Variants in PTPRD observed in about 807,000 individuals in gnomAD.
PTPRD encodes receptor-type tyrosine-protein phosphatase delta.
A neutral mutation model predicts 214.5 loss-of-function variants in PTPRD; 34 were observed. The ratio of observed to expected loss-of-function variants is 0.16; its 90% confidence interval spans 0.12 to 0.21. The LOEUF is 0.21. Ranked by LOEUF, PTPRD falls within the 10% of genes least tolerant of loss-of-function variation. The pLI is 1.00. For missense variants in PTPRD, 2,545 were observed against 2,398.7 expected, an observed-to-expected ratio of 1.06 and a Z score of -1.27; for synonymous variants, 1,128 against 845.7, an observed-to-expected ratio of 1.33 and a Z score of -5.79.
At chr9:9,908,431 A>G (rs919211253) in intron 5 of PTPRD, among the ~76,000 whole-genome samples, 1 of 152,008 alleles carries the variant, frequency 6.6e-6, no homozygotes, top group Non-Finnish European at 1.5e-5. Context: ...TACTGGATCC[A>G]CACCTTGTTA....
intron 11 of PTPRD, among the ~76,000 whole-genome samples, chr9:8,777,063 C>G (rs922520455): frequency 6.6e-6 from 1 of 151,654 alleles, no homozygotes; most frequent in Admixed American, 6.6e-5. Flanking sequence ...TCACTGCTGC[C>G]TCAACCTCCT....
intron 14 of PTPRD, among the ~76,000 whole-genome samples, chr9:8,594,919 G>C (rs1272543851): frequency 6.9e-6 from 1 of 144,070 alleles, no homozygotes; most frequent in Non-Finnish European, 1.5e-5. Flanking sequence ...CTGGAGTGCA[G>C]TGGCGCAAAC....
intron 4 of PTPRD, among the ~76,000 whole-genome samples, chr9:9,943,673 C>G (rs1287847196): frequency 6.6e-6 from 1 of 152,054 alleles, no homozygotes; most frequent in East Asian, 1.9e-4. Flanking sequence ...TTCAAGAAAG[C>G]AACATCTGAA....
intron 2 of PTPRD, among the ~76,000 whole-genome samples, chr9:10,609,556 A>C (rs1179693176): frequency 6.6e-6 from 1 of 152,124 alleles, no homozygotes; most frequent in East Asian, 1.9e-4. Context: ...AACTAGCAAT[A>C]TTTTAGCTTT....
chr9:9,199,886 T>C (rs575235446), intron 9 of PTPRD, among the ~76,000 whole-genome samples: 1 of 152,284 alleles, frequency 6.6e-6, no homozygotes, highest in South Asian at 2.1e-4. Context: ...CATTAGAGAA[T>C]TTGCTTTCTG....
chr9:8,619,463 T>A (rs888476378), intron 14 of PTPRD, among the ~76,000 whole-genome samples: 10 of 151,972 alleles, frequency 6.6e-5, no homozygotes, highest in African/African-American at 2.2e-4. Context: ...TTTCTGTGAA[T>A]GGCTTATTTC....
intron 5 of PTPRD, among the ~76,000 whole-genome samples, chr9:9,880,616 T>C (rs2068362472): frequency 6.6e-6 from 1 of 152,166 alleles, no homozygotes; most frequent in South Asian, 2.1e-4. Context: ...ATTTAATTTG[T>C]TTCTTTGGGA....
chr9:9,718,774 G>A (rs12350124), intron 7 of PTPRD, among the ~76,000 whole-genome samples: 65,090 of 152,124 alleles, frequency 0.43, 16,354 homozygotes, highest in African/African-American at 0.69. Flanking sequence ...GCCCCCTCTG[G>A]AAACTGCTTC....
chr9:9,427,157 A>C (rs988429985), intron 8 of PTPRD, among the ~76,000 whole-genome samples: 13 of 152,158 alleles, frequency 8.5e-5, no homozygotes, highest in Non-Finnish European at 1.8e-4. Flanking sequence ...AGAAGCTAAA[A>C]ACCTTGAAAA....
intron 39 of PTPRD, among the ~76,000 whole-genome samples, chr9:8,364,532 C>T (rs989139933): frequency 4.6e-5 from 7 of 152,198 alleles, no homozygotes; most frequent in South Asian, 2.1e-4. Context: ...GCTACAGCCA[C>T]GGCACAGCCA....
At chr9:10,449,756 T>A (rs1402894158) in intron 2 of PTPRD, among the ~76,000 whole-genome samples, 1 of 151,758 alleles carries the variant, frequency 6.6e-6, no homozygotes, top group Non-Finnish European at 1.5e-5. Context: ...CAACAGCTCA[T>A]TGAGAACGGG....
At chr9:8,959,774 T>C (rs1037472316) in intron 11 of PTPRD, among the ~76,000 whole-genome samples, 1 of 152,076 alleles carries the variant, frequency 6.6e-6, no homozygotes, top group Non-Finnish European at 1.5e-5. Flanking sequence ...TTCATGATCT[T>C]GAAAACTTTT....
intron 2 of PTPRD, among the ~76,000 whole-genome samples, chr9:10,524,193 T>C (rs1315557598): frequency 1.3e-5 from 2 of 152,060 alleles, no homozygotes; most frequent in Non-Finnish European, 2.9e-5. Context: ...ACATGTAAAT[T>C]TGATGTGTTA....
intron 11 of PTPRD, among the ~76,000 whole-genome samples, chr9:8,784,119 T>G (rs2095846587): frequency 6.6e-6 from 1 of 152,228 alleles, no homozygotes; most frequent in African/African-American, 2.4e-5. Flanking sequence ...TTACAGTATT[T>G]ATTGAATTTC....
intron 7 of PTPRD, among the ~76,000 whole-genome samples, chr9:9,724,209 T>C (rs955164965): frequency 6.6e-6 from 1 of 152,172 alleles, no homozygotes; most frequent in Non-Finnish European, 1.5e-5. Context: ...ACCTTTAAAG[T>C]TGTCTCTGTT....
intron 7 of PTPRD, among the ~76,000 whole-genome samples, chr9:9,587,642 G>T (rs2092220061): frequency 6.6e-6 from 1 of 151,930 alleles, no homozygotes; most frequent in Non-Finnish European, 1.5e-5. Context: ...CCCTCACTGG[G>T]GAATGGGATC....
At chr9:9,762,341 A>C (rs1172331139) in intron 6 of PTPRD, among the ~76,000 whole-genome samples, 1 of 152,166 alleles carries the variant, frequency 6.6e-6, no homozygotes, top group Non-Finnish European at 1.5e-5. Context: ...CTCTTCTTGA[A>C]GTGACAGTCT....
chr9:10,567,233 C>T (rs1254436412), intron 2 of PTPRD, among the ~76,000 whole-genome samples: 1 of 151,978 alleles, frequency 6.6e-6, no homozygotes, highest in Non-Finnish European at 1.5e-5. Flanking sequence ...TATGACAATC[C>T]AGACTTCACT....
chr9:9,005,999 G>A (rs2099463021), intron 11 of PTPRD, among the ~76,000 whole-genome samples: 1 of 151,840 alleles, frequency 6.6e-6, no homozygotes, highest in Non-Finnish European at 1.5e-5. Context: ...TGAATAGCCT[G>A]GATTTTTTTT....
Sources: allele counts gnomAD v4.1 joint callset (sites outside exome capture counted in the v4.1 genomes callset), GRCh38; gene constraint gnomAD v4.1.1; transcripts MANE v1.5; gene names NCBI Gene and HGNC (gene_info 2026-07-23, HGNC 2026-07-21).